Variants in RARB observed in about 807,000 individuals in gnomAD.
The protein encoded by RARB is retinoic acid receptor beta.
RARB carries 17 observed loss-of-function variants against 51.9 expected under a neutral mutation model. That is an observed-to-expected ratio of 0.33 (90% CI 0.22 to 0.49). RARB has a LOEUF of 0.49. Among genes scored for constraint, RARB ranks in the 20% least tolerant of loss-of-function variants. The probability of loss-of-function intolerance (pLI) is 0.99; values close to 1 mark genes in which losing one functional copy is unlikely to be tolerated. For synonymous variants in RARB, 215 were observed against 195.4 expected, an observed-to-expected ratio of 1.10 and a Z score of -0.84; for missense variants, 369 against 550.8, an observed-to-expected ratio of 0.67 and a Z score of 3.30.
intron 5 of RARB, among the ~76,000 whole-genome samples, chr3:25,378,971 T>G (rs1234134648): frequency 1.3e-5 from 2 of 152,242 alleles, no homozygotes; most frequent in African/African-American, 4.8e-5. Context: ...CTCTGTGTGA[T>G]GGCATCTTCC....
At chr3:25,025,336 G>A (rs756444639) in intron 2 of RARB, among the ~76,000 whole-genome samples, 1 of 152,072 alleles carries the variant, frequency 6.6e-6, no homozygotes, top group Non-Finnish European at 1.5e-5. Flanking sequence ...CTGTATCTTG[G>A]AGCCCTTCTC....
chr3:25,286,200 T>C (rs2125418840), intron 5 of RARB, among the ~76,000 whole-genome samples: 1 of 147,592 alleles, frequency 6.8e-6, no homozygotes, highest in South Asian at 2.3e-4. Context: ...GCCATTCTCC[T>C]GCCTCGGCCT....
At chr3:25,247,172 C>A (rs1186210931) in intron 5 of RARB, among the ~76,000 whole-genome samples, 1 of 152,218 alleles carries the variant, frequency 6.6e-6, no homozygotes, top group Non-Finnish European at 1.5e-5. Context: ...GCCCTTCCCC[C>A]ACCAAGCTTG....
chr3:25,063,724 T>TAA (rs201383436), intron 3 of RARB, among the ~76,000 whole-genome samples: 1 of 148,094 alleles, frequency 6.8e-6, no homozygotes, highest in Non-Finnish European at 1.5e-5. Context: ...TTTTTTTTTT[T>TAA]TAAAAAGATG....
At chr3:25,405,714 A>G (rs1427178289) in intron 5 of RARB, among the ~76,000 whole-genome samples, 4 of 152,260 alleles carry the variant, frequency 2.6e-5, no homozygotes, top group Non-Finnish European at 4.4e-5. Flanking sequence ...TGTGTTCAGT[A>G]GCTGCATGTG....
chr3:24,938,990 G>GC (rs1553615779), intron 2 of RARB, among the ~76,000 whole-genome samples: 3 of 143,468 alleles, frequency 2.1e-5, no homozygotes, highest in Non-Finnish European at 1.5e-5. Flanking sequence ...TTTTGTTGTT[G>GC]TTTTTTTTTT....
chr3:25,551,765 T>C (rs971823919), intron 3 of RARB, among the ~76,000 whole-genome samples: 10 of 152,174 alleles, frequency 6.6e-5, no homozygotes, highest in Admixed American at 3.9e-4. Context: ...CAGAATTCTT[T>C]AGATGGGCTG....
chr3:25,330,330 G>A (rs1278887356), intron 5 of RARB, among the ~76,000 whole-genome samples: 7 of 152,188 alleles, frequency 4.6e-5, no homozygotes, highest in African/African-American at 1.7e-4. Flanking sequence ...CAGACACTCT[G>A]CAAGCCAGAA....
At position 25,469,023 on chromosome 3, in the gene RARB, T is replaced by C. The variant is rs916000209; in HGVS notation, c.306+7682T>C. 3.6e-4 allele frequency among the ~76,000 whole-genome samples: 55 copies of C among 152,352 alleles called. 1 individual carries two copies. Among genetic ancestry groups the C allele is most frequent in the East Asian group, 1.7e-3 (9 of 5,170 alleles). On this transcript the variant is annotated intron_variant, in intron 2 of 7. Coordinates refer to ENST00000330688, the MANE Select transcript of RARB (RefSeq NM_000965.5). ...TGAAGGTCACATTGGTAGCCTTCTA[T>C]TTAAAGCAGTCTTTTAAGAGTTTAA... is the stretch of plus-strand genomic sequence containing the variant.
At chr3:25,529,629 T>A (rs1698808384) in intron 3 of RARB, among the ~76,000 whole-genome samples, 1 of 152,154 alleles carries the variant, frequency 6.6e-6, no homozygotes, top group Non-Finnish European at 1.5e-5. Flanking sequence ...ATATGCTTTG[T>A]CTTAAAAGTA....
At chr3:25,514,177 G>A (rs1214881911) in intron 3 of RARB, among the ~76,000 whole-genome samples, 2 of 152,060 alleles carry the variant, frequency 1.3e-5, no homozygotes, top group Non-Finnish European at 2.9e-5. Context: ...TACCTAAATC[G>A]CTCAGTAAAT....
At chr3:25,302,210 A>C (rs2125428204) in intron 5 of RARB, among the ~76,000 whole-genome samples, 1 of 152,340 alleles carries the variant, frequency 6.6e-6, no homozygotes, top group South Asian at 2.1e-4. Context: ...GCTTTGGAAA[A>C]CAGTCTGGCA....
chr3:24,943,193 T>G (rs908142750), intron 2 of RARB, among the ~76,000 whole-genome samples: 1 of 152,184 alleles, frequency 6.6e-6, no homozygotes, highest in African/African-American at 2.4e-5. Flanking sequence ...GTAAAATACT[T>G]CCGAGTTTAG....
At position 25,385,827 on chromosome 3, in the gene RARB, G is replaced by A. The variant is rs148128508; in HGVS notation, c.179-75366G>A. Among the ~76,000 whole-genome samples the A allele has an allele frequency of 2.2e-4, 33 of 152,194 alleles. 1 individual carries two copies. The highest frequency in any genetic ancestry group is 7.2e-4 in the African/African-American group (30 of 41,536). ...TCTATCTTGTATCTTTCCTAAACCA[G>A]GGCCACGGTTCTTAGTCTAGGCAAG... On this transcript the variant is annotated intron_variant, in intron 5 of 11. Coordinates refer to the RARB transcript ENST00000383772.
chr3:25,437,527 G>A (rs1236764485), intron 1 of RARB, among the ~76,000 whole-genome samples: 2 of 151,974 alleles, frequency 1.3e-5, no homozygotes, highest in African/African-American at 4.8e-5. Context: ...TGATATAATG[G>A]GAAGAACTTG....
At chr3:25,012,260 C>T (rs1040383833) in intron 2 of RARB, among the ~76,000 whole-genome samples, 5 of 151,986 alleles carry the variant, frequency 3.3e-5, no homozygotes, top group South Asian at 2.1e-4. Flanking sequence ...ATTACTAATA[C>T]GTAGGAAAGC....
At chr3:25,262,947 C>G (rs2125407622) in intron 5 of RARB, among the ~76,000 whole-genome samples, 1 of 152,252 alleles carries the variant, frequency 6.6e-6, no homozygotes, top group Non-Finnish European at 1.5e-5. Context: ...TTAATTTTGA[C>G]TGTCTTAAGG....
chr3:24,963,199 A>G lies in RARB; in HGVS notation c.-379-96926A>G, dbSNP rs373410258. On this transcript the variant is annotated intron_variant, in intron 2 of 11. Coordinates refer to the RARB transcript ENST00000383772. ...AAAAGCTAGTTACATATTGATCCAC[A>G]GGGCATGGTGAATCTGTCCTTGGCC... 3.3e-5 allele frequency among the ~76,000 whole-genome samples: 5 copies of G among 152,140 alleles called. No individual in the cohort carries two copies. In the South Asian group the frequency reaches 1.0e-3, roughly 32 times the overall value.
At chr3:25,481,763 C>G (rs965573456) in intron 2 of RARB, among the ~76,000 whole-genome samples, 1 of 152,202 alleles carries the variant, frequency 6.6e-6, no homozygotes, top group African/African-American at 2.4e-5. Context: ...TTTCTTTGCA[C>G]CTTTTACCAC....
Sources: gnomAD v4.1 joint callset for allele counts (sites outside exome capture counted in the v4.1 genomes callset) on GRCh38, gnomAD v4.1.1 for gene constraint, MANE v1.5 for transcripts, NCBI Gene and HGNC (gene_info 2026-07-23, HGNC 2026-07-21) for gene names.